HHAT: variants seen among roughly 807,000 people sequenced by gnomAD.
HHAT encodes the protein protein-cysteine N-palmitoyltransferase HHAT.
In HHAT, 47 loss-of-function variants were observed where a neutral mutation model predicts 70.8. The ratio of observed to expected loss-of-function variants is 0.66; its 90% CI spans 0.53 to 0.85. The LOEUF (loss-of-function observed/expected upper bound fraction) is 0.85. Ranked by LOEUF, HHAT falls within the 40% of genes least tolerant of loss-of-function variation. The pLI, the probability that HHAT is intolerant of heterozygous loss-of-function variation, is 0.00. For synonymous variants in HHAT, 228 were observed against 247.6 expected (o/e 0.92, Z 0.74); for missense variants, 609 against 604.8 (o/e 1.01, Z -0.07).
intron 11 of HHAT, among the ~76,000 whole-genome samples, chr1:210,633,914 C>T (rs766045188): frequency 1.8e-4 from 27 of 152,150 alleles, no homozygotes; most frequent in Non-Finnish European, 3.5e-4. Flanking sequence ...CACTCTTGCC[C>T]AGAGAAGGAG....
chr1:210,667,058 C>T (rs1477947268), intron 11 of HHAT, among the ~76,000 whole-genome samples: 7 of 147,672 alleles, frequency 4.7e-5, no homozygotes, highest in East Asian at 2.0e-4. Flanking sequence ...CCAGCCTGGG[C>T]GACAGAGCAA....
At chr1:210,610,211 A>G (rs2148840854) in intron 10 of HHAT, among the ~76,000 whole-genome samples, 1 of 152,302 alleles carries the variant, frequency 6.6e-6, no homozygotes, top group East Asian at 1.9e-4. Context: ...TATAATTGCC[A>G]TTCTGACTGG....
chr1:210,380,450 G>C (rs971184925), intron 3 of HHAT, among the ~76,000 whole-genome samples: 2 of 152,136 alleles, frequency 1.3e-5, no homozygotes, highest in South Asian at 4.1e-4. Flanking sequence ...TGAAGCAGGA[G>C]AATCACTTGA....
intron 7 of HHAT, among the ~76,000 whole-genome samples, chr1:210,435,018 C>G (rs1283730596): frequency 6.6e-6 from 1 of 151,812 alleles, no homozygotes; most frequent in Non-Finnish European, 1.5e-5. Context: ...TTGAAACATA[C>G]AATCAATTAA....
At position 210,430,598 on chromosome 1, in the gene HHAT, CTA is replaced by C. The variant is rs892878753; in HGVS notation, c.856+12275_856+12276del. ...CATGAGCGTATTATTTGTGGTGACA[CTA>C]TGAGTAGTTTCAAAATTATAATGCT... On this transcript the variant is annotated intron_variant, in intron 7 of 11. Transcript: ENST00000261458. 2.0e-5 allele frequency among the ~76,000 whole-genome samples: 3 copies of C among 151,776 alleles called. 1 individual carries two copies. Among genetic ancestry groups the C allele is most frequent in the African/African-American group, 7.3e-5 (3 of 41,070 alleles).
intron 4 of HHAT, among the ~76,000 whole-genome samples, chr1:210,395,180 T>A (rs1370996273): frequency 6.6e-6 from 1 of 152,180 alleles, no homozygotes; most frequent in Non-Finnish European, 1.5e-5. Context: ...CGTCTGATAA[T>A]GTTGCCAACA....
At chr1:210,502,159 T>C (rs2094769323) in intron 8 of HHAT, among the ~76,000 whole-genome samples, 1 of 151,556 alleles carries the variant, frequency 6.6e-6, no homozygotes, top group Non-Finnish European at 1.5e-5. Flanking sequence ...CCGAGGTGGG[T>C]GGATCACGAG....
In HHAT at chr1:210,424,275, A is replaced by G. The variant is rs182457302; in HGVS notation, c.856+5950A>G. On this transcript the variant is annotated intron_variant, in intron 7 of 11. Coordinates refer to ENST00000261458, the MANE Select transcript of HHAT (RefSeq NM_018194.6). ...GTCTTCACCTCCTTAGTTATTTCAC[A>G]TTTTTTTAGCTATTAGAAATGGGAT... is the stretch of plus-strand genomic sequence containing the variant. 3.0e-4 allele frequency among the ~76,000 whole-genome samples: 45 copies of G among 152,004 alleles called. No individual in the cohort carries two copies. In the Middle Eastern group the frequency reaches 0.01, roughly 34 times the overall value.
chr1:210,623,698 G>A (rs1669316301), intron 11 of HHAT, 28 bp downstream of exon 11: 1 of 1,607,136 alleles, frequency 6.2e-7, no homozygotes, highest in Non-Finnish European at 8.5e-7. Flanking sequence ...GCTGTTTTCA[G>A]TCAGTTTCTT....
At chr1:210,665,641 C>A (rs538617734) in intron 11 of HHAT, among the ~76,000 whole-genome samples, 1 of 152,278 alleles carries the variant, frequency 6.6e-6, no homozygotes, top group African/African-American at 2.4e-5. Flanking sequence ...AGTATTAATG[C>A]TAGATAAATC....
rs575747559 is a variant in HHAT, at chr1:210,648,544, A to G, written c.1390+24874A>G. Among the ~76,000 whole-genome samples, 5 of 152,232 alleles carry G rather than the reference A, an allele frequency of 3.3e-5. No individual in the cohort carries two copies. The South Asian group carries it at 1.0e-3, about 32-fold the overall frequency. ...TTGCACAGGTCTGAGTTCTTTACTC[A>G]TTGGTGGAGGTCTTAAATTTTTTCC... On this transcript the variant is annotated intron_variant, in intron 11 of 11. Transcript: ENST00000261458.
intron 8 of HHAT, among the ~76,000 whole-genome samples, chr1:210,494,093 C>T (rs948028129): frequency 6.6e-6 from 1 of 152,182 alleles, no homozygotes; most frequent in Non-Finnish European, 1.5e-5. Flanking sequence ...TCACTCTTGG[C>T]TTAAAGGCTA....
Position 210,507,359 on chromosome 1 carries a change from C to CTT in HHAT, c.1008-5776_1008-5775dup, listed in dbSNP as rs927392992. The stretch of plus-strand genomic sequence containing the variant: ...ACTAAAGAAAACATTTTTCTTTTTT[C>CTT]TTTTTTTTTTTTTTTTTTTGAGACG... On this transcript the variant is annotated intron_variant, in intron 8 of 11. Transcript: ENST00000261458. 2.4e-3 allele frequency among the ~76,000 whole-genome samples: 298 copies of CTT among 122,522 alleles called. 4 individuals are homozygous for CTT. Among genetic ancestry groups the CTT allele is most frequent in the Middle Eastern group, 9.5e-3 (2 of 210 alleles). The allele number at this position is 122,522 out of a possible 152,430, so 80.4% of individuals were successfully genotyped here. A position where few individuals can be genotyped will look rare whatever the true frequency, so the allele number is the denominator to read the frequency against.
chr1:210,334,177 C>CTTTTTTTTTTTT (rs1342123521), intron 1 of HHAT, among the ~76,000 whole-genome samples: 12 of 34,554 alleles, frequency 3.5e-4, no homozygotes, highest in African/African-American at 8.2e-4. Context: ...TTTAGCGTGT[C>CTTTTTTTTTTTT]ATTTTTTTTT....
intron 8 of HHAT, among the ~76,000 whole-genome samples, chr1:210,468,566 T>C (rs944996677): frequency 6.6e-5 from 10 of 152,300 alleles, no homozygotes; most frequent in African/African-American, 2.4e-4. Flanking sequence ...AGGAGGAATC[T>C]GAGCACCTTC....
intron 3 of HHAT, among the ~76,000 whole-genome samples, chr1:210,375,409 A>G (rs2090108501): frequency 6.6e-6 from 1 of 152,088 alleles, no homozygotes; most frequent in Non-Finnish European, 1.5e-5. Context: ...AGTCTACTTT[A>G]TCTGCCATTG....
chr1:210,673,773 AT>A (rs1437621594), intron 11 of HHAT, among the ~76,000 whole-genome samples: 32 of 101,932 alleles, frequency 3.1e-4, no homozygotes, highest in African/African-American at 1.1e-3. Flanking sequence ...TTATTTATTT[AT>A]TTATTTATTT....
intron 7 of HHAT, among the ~76,000 whole-genome samples, chr1:210,422,117 A>T (rs912543669): frequency 6.6e-6 from 1 of 152,222 alleles, no homozygotes; most frequent in South Asian, 2.1e-4. Flanking sequence ...AGACTGATAA[A>T]ATATAAACCA....
At chr1:210,380,786 C>T (rs1290839017) in intron 3 of HHAT, among the ~76,000 whole-genome samples, 2 of 152,038 alleles carry the variant, frequency 1.3e-5, no homozygotes, top group African/African-American at 4.8e-5. Flanking sequence ...GTGGGAGGCC[C>T]AGCTGCATGA....
Sources: allele counts gnomAD v4.1 joint callset (sites outside exome capture counted in the v4.1 genomes callset), GRCh38; gene constraint gnomAD v4.1.1; transcripts MANE v1.5; gene names NCBI Gene and HGNC (gene_info 2026-07-23, HGNC 2026-07-21).